The following LAMA2 variants were observed in gnomAD, a reference collection of about 807,000 sequenced individuals.
LAMA2 encodes the protein laminin subunit alpha 2, also known as laminin subunit alpha-2.
LAMA2 carries 269 observed loss-of-function variants against 364.8 expected under a neutral mutation model. The ratio of observed to expected loss-of-function variants is 0.74; its 90% CI spans 0.67 to 0.82. The LOEUF (loss-of-function observed/expected upper bound fraction) is 0.82, where lower values mean the gene tolerates loss of function less well. LAMA2 is among the 40% of genes least tolerant of loss of function. The pLI is 0.00. For synonymous variants in LAMA2, 1,379 were observed against 1,370.6 expected, an observed-to-expected ratio of 1.01 and a Z score of -0.14; for missense variants, 3,807 against 3,873.2, an observed-to-expected ratio of 0.98 and a Z score of 0.45.
intron 4 of LAMA2, among the ~76,000 whole-genome samples, chr6:129,120,567 C>T (rs184685663): frequency 9.9e-4 from 150 of 152,234 alleles, no homozygotes; most frequent in African/African-American, 3.1e-3. Context: ...CTAAAGATTA[C>T]GATTAGTATA....
At chr6:129,308,851 C>A (rs556623105) in intron 22 of LAMA2, among the ~76,000 whole-genome samples, 8 of 152,226 alleles carry the variant, frequency 5.3e-5, no homozygotes, top group African/African-American at 1.4e-4. Context: ...ATGGCAGGAT[C>A]AGGAGAAAAG....
chr6:129,163,709 C>T (rs1041226059), intron 8 of LAMA2, among the ~76,000 whole-genome samples: 1 of 152,188 alleles, frequency 6.6e-6, no homozygotes, highest in African/African-American at 2.4e-5. Flanking sequence ...TTTGAGAAAA[C>T]TTTGGCCTGT....
At chr6:129,427,630 T>C in intron 40 of LAMA2, 122 bp from the exon 41 acceptor site, 1 of 742,604 alleles carries the variant, frequency 1.3e-6, no homozygotes, top group South Asian at 1.4e-5. Flanking sequence ...AATTTACAAT[T>C]CTATATCTGC....
intron 33 of LAMA2, among the ~76,000 whole-genome samples, chr6:129,369,505 G>A (rs1286085276): frequency 6.6e-6 from 1 of 152,076 alleles, no homozygotes; most frequent in Admixed American, 6.5e-5. Context: ...AGCCTTAAAT[G>A]GGCCAGGCAA....
chr6:129,200,188 ATATATACATGTACACATATACATGTG>A (rs1782131736), intron 12 of LAMA2, among the ~76,000 whole-genome samples: 2 of 149,124 alleles, frequency 1.3e-5, no homozygotes, highest in Admixed American at 6.7e-5. Context: ...ATACATGTGT[ATATATACATGTACACATATACATGTG>A]TATATATATA....
chr6:128,923,964 T>TGAC (rs986932113), intron 1 of LAMA2, among the ~76,000 whole-genome samples: 1 of 152,180 alleles, frequency 6.6e-6, no homozygotes, highest in African/African-American at 2.4e-5. Context: ...GTCATAGTCA[T>TGAC]GACTCTGCTC....
chr6:129,507,530 GGCA>G lies in LAMA2; in HGVS notation c.8747_8749del (p.Ala2916del). 1.2e-6 allele frequency: 2 copies of G among 1,614,138 alleles called. No homozygotes were observed. The highest frequency in any genetic ancestry group is 1.7e-6 in the Non-Finnish European group (2 of 1,179,980). On this transcript the variant is annotated inframe_deletion, in exon 62 of 65. Transcript: ENST00000421865. ...ATGGCTGCGTCAGGAATCTCCACATGGCAGAGGCCCCTGCCGATCTGGAACAAC... is the reference window on the plus strand; with the variant it reads ...ATGGCTGCGTCAGGAATCTCCACATGGAGGCCCCTGCCGATCTGGAACAAC...
At chr6:129,123,370 G>GAT (rs139516848) in intron 4 of LAMA2, among the ~76,000 whole-genome samples, 1,934 of 145,698 alleles carry the variant, frequency 0.013, 35 homozygotes, top group African/African-American at 0.04. Context: ...ATGTGTGTGA[G>GAT]ATATATATAT....
chr6:129,379,762 T>G (rs1360334070), intron 34 of LAMA2, among the ~76,000 whole-genome samples: 1 of 152,166 alleles, frequency 6.6e-6, no homozygotes, highest in African/African-American at 2.4e-5. Flanking sequence ...CTCCCAAGCT[T>G]CAACTGTAGC....
chr6:129,367,820 GA>G (rs967278962), intron 33 of LAMA2, among the ~76,000 whole-genome samples: 18 of 152,158 alleles, frequency 1.2e-4, no homozygotes, highest in Non-Finnish European at 2.5e-4. Context: ...CAAGAAATAG[GA>G]AAGAAGTTGT....
chr6:129,402,378 A>G lies in LAMA2; in HGVS notation c.5617A>G (p.Lys1873Glu). ...LPPMSEELND[K>E]IDDLSQEIKD... ...ACCTATGTCTGAGGAGCTTAATGAT[A>G]AAATAGATGACCTCTCCCAAGAAAT... Residue 1873 changes from lysine (K) to glutamate (E), a missense_variant, in exon 39 of 65, where the codon AAA (lysine) becomes GAA (glutamate). This residue lies in a region of LAMA2 where 3,333 missense variants were observed against 3,345.7 expected (regional missense o/e 1.00). Transcript: ENST00000421865. The G allele has an allele frequency of 6.2e-7, 1 of 1,614,058 alleles. No homozygotes were observed. Among genetic ancestry groups the G allele is most frequent in the East Asian group, 2.2e-5 (1 of 44,880 alleles).
intron 27 of LAMA2, among the ~76,000 whole-genome samples, chr6:129,319,240 A>G (rs1166010343): frequency 6.6e-6 from 1 of 152,188 alleles, no homozygotes; most frequent in Non-Finnish European, 1.5e-5. Context: ...GATAGTAGTA[A>G]ATTCAAAGCA....
chr6:129,238,617 G>A (rs1785177748), intron 12 of LAMA2, among the ~76,000 whole-genome samples: 1 of 151,998 alleles, frequency 6.6e-6, no homozygotes, highest in Non-Finnish European at 1.5e-5. Context: ...GCCCAAGAGT[G>A]AGAGTTTGTC....
At chr6:129,392,916 A>G (rs1002421875) in intron 36 of LAMA2, 129 bp from the exon 37 acceptor site, 4 of 728,418 alleles carry the variant, frequency 5.5e-6, no homozygotes, top group Non-Finnish European at 9.1e-6. Context: ...CAGTGAATCT[A>G]TTTTACATGT....
intron 34 of LAMA2, among the ~76,000 whole-genome samples, chr6:129,373,356 A>G (rs1159231347): frequency 6.6e-6 from 1 of 152,214 alleles, no homozygotes; most frequent in East Asian, 1.9e-4. Context: ...TTAGATTTCA[A>G]AAAACTTGCA....
rs143138805 is a variant in LAMA2 at position 129,345,816 on chromosome 6, T to C, written c.4436+3349T>C. Among the ~76,000 whole-genome samples, 166 of 152,286 alleles carry C rather than the reference T, an allele frequency of 1.1e-3. 1 individual carries two copies. Among genetic ancestry groups the C allele is most frequent in the African/African-American group, 3.7e-3 (154 of 41,562 alleles). On this transcript the variant is annotated intron_variant, in intron 30 of 64. Transcript: ENST00000421865. The stretch of plus-strand genomic sequence containing the variant: ...TTCATGAGTCACTTATATCACCATC[T>C]AAAGCTTGGGACGTATTAGGCTAAT...
intron 3 of LAMA2, among the ~76,000 whole-genome samples, 183 bp downstream of exon 3, chr6:129,060,079 T>G (rs562991344): frequency 6.6e-6 from 1 of 152,332 alleles, no homozygotes; most frequent in East Asian, 1.9e-4. Flanking sequence ...ATTCAGCATT[T>G]AATTATAAAG....
chr6:129,300,944 CA>C, intron 22 of LAMA2, 72 bp downstream of exon 22: 1 of 1,352,868 alleles, frequency 7.4e-7, no homozygotes, highest in Non-Finnish European at 1.1e-6. Context: ...TGTAATTGGG[CA>C]TTTCAAAATT....
chr6:128,953,429 A>G (rs1780956823), intron 1 of LAMA2, among the ~76,000 whole-genome samples: 1 of 152,136 alleles, frequency 6.6e-6, no homozygotes, highest in African/African-American at 2.4e-5. Flanking sequence ...TTTGTATAAA[A>G]TATTACTATA....
Sources: allele counts gnomAD v4.1 joint callset (sites outside exome capture counted in the v4.1 genomes callset), GRCh38; gene constraint gnomAD v4.1.1; regional missense constraint gnomAD v4.1.1; transcripts MANE v1.5; gene names NCBI Gene and HGNC (gene_info 2026-07-23, HGNC 2026-07-21).